The following MYO9A variants were observed in gnomAD, a reference collection of about 807,000 sequenced individuals.
The protein encoded by MYO9A is unconventional myosin-IXa.
MYO9A carries 103 observed loss-of-function variants against 293.3 expected under a neutral mutation model. The ratio of observed to expected loss-of-function variants is 0.35; its 90% CI spans 0.30 to 0.41. The LOEUF (loss-of-function observed/expected upper bound fraction) is 0.41. Among genes scored for constraint, MYO9A ranks in the 10% least tolerant of loss-of-function variants. The pLI is 1.00. For missense variants in MYO9A, 2,685 were observed against 3,033.0 expected, an observed-to-expected ratio of 0.89 and a Z score of 2.69; for synonymous variants, 1,001 against 1,035.7, an observed-to-expected ratio of 0.97 and a Z score of 0.64.
chr15:72,117,870 CAG>C lies in MYO9A; in HGVS notation c.-264_-263del, dbSNP rs1363650331. ...GGCCGCGGCGCATCCCCCGCCCTGT[CAG>C]AGAGACTCCGCCCGGCCTGAGCAGG... On this transcript the variant is annotated 5_prime_UTR_variant, in exon 1 of 42. The change abolishes the stop of an existing upstream ORF in the 5' untranslated region. Coordinates refer to ENST00000356056, the MANE Select transcript of MYO9A (RefSeq NM_006901.4). 5.0e-6 allele frequency: 2 copies of C among 398,400 alleles called. No individual in the cohort carries two copies. The highest frequency in any genetic ancestry group is 8.9e-6 in the Non-Finnish European group (2 of 225,846). The allele number at this position is 398,400 out of a possible 1,614,324, so 24.7% of individuals were successfully genotyped here. A position where few individuals can be genotyped will look rare whatever the true frequency, so the allele number is the denominator to read the frequency against.
chr15:71,854,298 T>A lies in MYO9A; in HGVS notation c.6346+79A>T, dbSNP rs1014935941. ...CTGGCTGCTAAGTAAAGGATTGACA[T>A]GTAATGAAAACTTTAAGAGCATGAA... On this transcript the variant is annotated intron_variant, in intron 35 of 41. Coordinates refer to ENST00000356056, the MANE Select transcript of MYO9A (RefSeq NM_006901.4). 14 of 1,101,402 alleles carry A rather than the reference T, an allele frequency of 1.3e-5. No individual in the cohort carries two copies. The African/African-American group carries it at 1.9e-4, about 15-fold the overall frequency. The allele number at this position is 1,101,402 out of a possible 1,614,324, so 68.2% of individuals were successfully genotyped here. A position where few individuals can be genotyped will look rare whatever the true frequency, so the allele number is the denominator to read the frequency against.
intron 39 of MYO9A, among the ~76,000 whole-genome samples, chr15:71,832,838 CACA>C (rs1178118340): frequency 3.3e-5 from 5 of 151,814 alleles, no homozygotes; most frequent in Admixed American, 6.6e-5. Context: ...AATTAAGATA[CACA>C]ACAACAAGAG....
At chr15:71,987,926 G>A (rs1479208679) in intron 11 of MYO9A, among the ~76,000 whole-genome samples, 1 of 152,102 alleles carries the variant, frequency 6.6e-6, no homozygotes, top group Non-Finnish European at 1.5e-5. Context: ...ATTCAGGGTA[G>A]CAAGTAAATG....
chr15:71,952,968 G>C (rs571416991), intron 14 of MYO9A, among the ~76,000 whole-genome samples: 9 of 152,044 alleles, frequency 5.9e-5, no homozygotes, highest in Non-Finnish European at 1.3e-4. Context: ...CCAGAGAATA[G>C]GCAGCCATAT....
At chr15:71,934,353 T>A (rs1247189894) in intron 17 of MYO9A, among the ~76,000 whole-genome samples, 1 of 152,148 alleles carries the variant, frequency 6.6e-6, no homozygotes, top group Non-Finnish European at 1.5e-5. Flanking sequence ...CTTTTCATTA[T>A]GTAATAATGT....
intron 1 of MYO9A, among the ~76,000 whole-genome samples, chr15:72,087,143 C>T (rs186926947): frequency 6.6e-6 from 1 of 152,264 alleles, no homozygotes; most frequent in Admixed American, 6.5e-5. Context: ...GATGCAGGTC[C>T]CCAGGGTACC....
chr15:72,010,048 A>T (rs1019389545), intron 7 of MYO9A, among the ~76,000 whole-genome samples: 2 of 152,214 alleles, frequency 1.3e-5, no homozygotes, highest in Non-Finnish European at 2.9e-5. Context: ...CTATAAAAAT[A>T]GTGTTACAAA....
chr15:71,822,956 T>C lies in MYO9A; in HGVS notation c.*3624A>G, dbSNP rs976440631. 2 of 152,110 alleles carry C rather than the reference T, an allele frequency of 1.3e-5. No homozygotes were observed. Among genetic ancestry groups the C allele is most frequent in the South Asian group, 2.1e-4 (1 of 4,822 alleles). The allele number at this position is 152,110 out of a possible 1,614,324, so 9.4% of individuals were successfully genotyped here. A position where few individuals can be genotyped will look rare whatever the true frequency, so the allele number is the denominator to read the frequency against. On this transcript the variant is annotated 3_prime_UTR_variant, in exon 42 of 42. Transcript: ENST00000356056. ...TCTAGGGCATAGAAAAAGAGGACTC[T>C]CACAGATACCAAGGAGTTTTACTAC...
At chr15:71,845,770 A>T (rs2055358250) in intron 39 of MYO9A, among the ~76,000 whole-genome samples, 1 of 152,232 alleles carries the variant, frequency 6.6e-6, no homozygotes, top group Admixed American at 6.5e-5. Context: ...AACTATTTTC[A>T]ACTTTCTGTA....
intron 18 of MYO9A, among the ~76,000 whole-genome samples, chr15:71,926,147 G>A (rs1055729291): frequency 2.6e-5 from 4 of 152,264 alleles, no homozygotes; most frequent in Middle Eastern, 3.4e-3. Context: ...GTCAACATCC[G>A]ATGTTACTGC....
At chr15:71,887,877 G>A (rs1232506140) in intron 27 of MYO9A, 127 bp downstream of exon 27, 1 of 495,316 alleles carries the variant, frequency 2.0e-6, no homozygotes, top group Non-Finnish European at 3.5e-6. Flanking sequence ...TTGAAAAATT[G>A]GTAAATAAGT....
At position 71,898,722 on chromosome 15, in the gene MYO9A, C is replaced by T; in HGVS notation, c.3781G>A (p.Asp1261Asn). Reference protein sequence around the residue: ...LVRERPRSLEDLHQKKVGRAK... With the variant: ...LVRERPRSLENLHQKKVGRAK... ...CGGCCTACTTTTTTCTGATGGAGAT[C>T]CTCCAAGGATCTGGGTCTCTCTCTT... is the stretch of plus-strand genomic sequence containing the variant. Residue 1261 changes from aspartate (D) to asparagine (N), a missense_variant, in exon 25 of 42, where the codon GAT (aspartate) becomes AAT (asparagine). By Grantham distance (23) the Asp-to-Asn change is conservative. Coordinates refer to ENST00000356056, the MANE Select transcript of MYO9A (RefSeq NM_006901.4). The T allele has an allele frequency of 6.2e-7, 1 of 1,614,030 alleles. No homozygotes were observed. The highest frequency in any genetic ancestry group is 8.5e-7 in the Non-Finnish European group (1 of 1,180,006).
chr15:72,045,717 T>C lies in MYO9A; in HGVS notation c.840+7A>G, dbSNP rs368113275. 1.3e-5 allele frequency: 20 copies of C among 1,562,596 alleles called. No homozygotes were observed. Among genetic ancestry groups the C allele is most frequent in the African/African-American group, 5.5e-5 (4 of 72,282 alleles). On this transcript the variant is annotated splice_region_variant and intron_variant, in intron 2 of 41. Transcript: ENST00000356056. ...TAAAATCAAAAATAAGATTTCTATA[T>C]ATTTACCTCAAGTACTGGTCCAGCT...
At chr15:71,962,031 A>C (rs2075760236) in intron 13 of MYO9A, among the ~76,000 whole-genome samples, 1 of 152,168 alleles carries the variant, frequency 6.6e-6, no homozygotes, top group South Asian at 2.1e-4. Flanking sequence ...GCCAGCACAC[A>C]GATTTTTAAA....
intron 34 of MYO9A, among the ~76,000 whole-genome samples, chr15:71,859,516 C>A (rs1004296014): frequency 1.3e-5 from 2 of 152,122 alleles, no homozygotes; most frequent in Non-Finnish European, 2.9e-5. Flanking sequence ...CATATAGTAA[C>A]GGTAAAATAA....
At chr15:71,873,455 T>A (rs1442032675) in intron 32 of MYO9A, among the ~76,000 whole-genome samples, 2 of 152,174 alleles carry the variant, frequency 1.3e-5, no homozygotes, top group Non-Finnish European at 2.9e-5. Flanking sequence ...TTCTTAGGTA[T>A]GTTATTGCTG....
intron 1 of MYO9A, among the ~76,000 whole-genome samples, chr15:72,047,504 G>A (rs1012093311): frequency 6.6e-6 from 1 of 152,084 alleles, no homozygotes; most frequent in African/African-American, 2.4e-5. Context: ...AGAAAATAGT[G>A]ATTTCCTTCA....
chr15:72,108,612 C>A (rs1400066637), intron 1 of MYO9A, among the ~76,000 whole-genome samples: 1 of 152,028 alleles, frequency 6.6e-6, no homozygotes, highest in Non-Finnish European at 1.5e-5. Context: ...TTTTTCAGGA[C>A]AGTTGGGAAA....
intron 39 of MYO9A, among the ~76,000 whole-genome samples, chr15:71,833,722 T>C (rs965017362): frequency 1.3e-5 from 2 of 152,060 alleles, no homozygotes; most frequent in Non-Finnish European, 2.9e-5. Context: ...AGTTTTCTAA[T>C]AATGTAGTTA....
Sources: allele counts gnomAD v4.1 joint callset (sites outside exome capture counted in the v4.1 genomes callset), GRCh38; gene constraint gnomAD v4.1.1; transcripts MANE v1.5; gene names NCBI Gene and HGNC (gene_info 2026-07-23, HGNC 2026-07-21).